The following AEBP2 variants were observed in gnomAD, a reference collection of about 807,000 sequenced individuals.
AEBP2 encodes AE binding protein 2, also known as zinc finger protein AEBP2.
AEBP2 carries 10 observed loss-of-function variants against 50.8 expected under a neutral mutation model. The ratio of observed to expected loss-of-function variants is 0.20; its 90% CI spans 0.12 to 0.33. The LOEUF (loss-of-function observed/expected upper bound fraction) is 0.33, where lower values mean the gene tolerates loss of function less well. Ranked by LOEUF, AEBP2 falls within the 10% of genes least tolerant of loss-of-function variation. AEBP2 has a pLI of 1.00. For synonymous variants in AEBP2, 296 were observed against 261.3 expected, an observed-to-expected ratio of 1.13 and a Z score of -1.28; for missense variants, 570 against 688.0, an observed-to-expected ratio of 0.83 and a Z score of 1.92.
chr12:19,484,205 T>C (rs1948772653), intron 3 of AEBP2, among the ~76,000 whole-genome samples: 1 of 150,978 alleles, frequency 6.6e-6, no homozygotes, highest in African/African-American at 2.4e-5. Context: ...TGCTTCAGCC[T>C]CTGGAGTAGC....
intron 1 of AEBP2, chr12:19,457,278 A>T: frequency 1.3e-6 from 2 of 1,578,130 alleles, no homozygotes; most frequent in Non-Finnish European, 1.7e-6. Context: ...ATTCACCAAC[A>T]CTGGCAGCAA....
intron 1 of AEBP2, among the ~76,000 whole-genome samples, chr12:19,432,220 T>G (rs989733825): frequency 6.6e-6 from 1 of 152,132 alleles, no homozygotes; most frequent in African/African-American, 2.4e-5. Flanking sequence ...CTGTCGCCAG[T>G]CTAGGCCCAT....
intron 5 of AEBP2, among the ~76,000 whole-genome samples, chr12:19,505,828 TGTG>T (rs770117863): frequency 3.9e-5 from 6 of 152,144 alleles, no homozygotes; most frequent in Admixed American, 1.3e-4. Context: ...CAGGGTGAAA[TGTG>T]GTGGTATCAT....
chr12:19,513,192 T>A (rs1949262226), intron 6 of AEBP2, among the ~76,000 whole-genome samples: 1 of 152,150 alleles, frequency 6.6e-6, no homozygotes, highest in African/African-American at 2.4e-5. Context: ...ATTTAAAAAA[T>A]TTGTAAATGT....
chr12:19,440,746 T>G (rs1000088618), intron 1 of AEBP2: 2 of 1,533,386 alleles, frequency 1.3e-6, no homozygotes, highest in Non-Finnish European at 1.7e-6. Context: ...CTTCCAACCG[T>G]GTTCGGGAAC....
chr12:19,454,917 C>T (rs1056474697), intron 1 of AEBP2, among the ~76,000 whole-genome samples: 4 of 152,130 alleles, frequency 2.6e-5, no homozygotes, highest in Admixed American at 2.0e-4. Flanking sequence ...AGCAGTTAAC[C>T]TCAGAATAAA....
Position 19,518,965 on chromosome 12 carries a change from C to CAA in AEBP2, c.*849_*850insAA. On this transcript the variant is annotated 3_prime_UTR_variant, in exon 8 of 8. Coordinates refer to ENST00000266508, the MANE Select transcript of AEBP2 (RefSeq NM_153207.5). ...ACTCTAATTTTTTTTCTGAGGAAATCATTTGGTTTTTGAGTTGTTTTTTCT... is the reference window on the plus strand; with the variant it reads ...ACTCTAATTTTTTTTCTGAGGAAATCAAATTTGGTTTTTGAGTTGTTTTTTCT... 1 of 270,446 alleles carries CAA rather than the reference C, an allele frequency of 3.7e-6. No individual in the cohort carries two copies. The highest frequency in any genetic ancestry group is 2.2e-5 in the African/African-American group (1 of 45,328). 16.8% of individuals were successfully genotyped at this position (270,446 alleles called of 1,614,324 possible). A position where few individuals can be genotyped will look rare whatever the true frequency, so the allele number is the denominator to read the frequency against.
intron 5 of AEBP2, chr12:19,508,991 G>GT: frequency 1.9e-6 from 1 of 539,562 alleles, no homozygotes; most frequent in Non-Finnish European, 3.6e-6. Context: ...TGGTAATAGA[G>GT]TTGTTTACCT....
At chr12:19,432,332 C>T (rs934174289) in intron 1 of AEBP2, among the ~76,000 whole-genome samples, 8 of 152,140 alleles carry the variant, frequency 5.3e-5, no homozygotes, top group Admixed American at 2.6e-4. Context: ...CAGTCTGCTT[C>T]GGGGTTCCCC....
intron 3 of AEBP2, among the ~76,000 whole-genome samples, chr12:19,483,735 C>T (rs976930328): frequency 3.3e-5 from 5 of 152,070 alleles, no homozygotes; most frequent in African/African-American, 1.2e-4. Flanking sequence ...GTAATATTAG[C>T]GGTTTAACCA....
In AEBP2 at chr12:19,405,290, A is replaced by T. The variant is rs752721315; in HGVS notation, c.-17+1074A>T. ...TCAAATTGCTTATTTACTTCTCAGC[A>T]CTAGCTAGGTATCTGGAATTGTTAT... On this transcript the variant is annotated intron_variant, in intron 1 of 3. Coordinates refer to the AEBP2 transcript ENST00000538425. Among the ~76,000 whole-genome samples the T allele has an allele frequency of 3.3e-4, 50 of 151,352 alleles. 1 individual carries two copies. Among genetic ancestry groups the T allele is most frequent in the Non-Finnish European group, 1.2e-4 (8 of 67,908 alleles).
intron 3 of AEBP2, among the ~76,000 whole-genome samples, chr12:19,478,244 G>A (rs1948679488): frequency 6.6e-6 from 1 of 152,070 alleles, no homozygotes; most frequent in African/African-American, 2.4e-5. Flanking sequence ...GTTCTTTCTT[G>A]TTTCTCTAGT....
At chr12:19,500,259 C>T in intron 5 of AEBP2, 38 bp downstream of exon 5, 1 of 1,384,252 alleles carries the variant, frequency 7.2e-7, no homozygotes, top group South Asian at 1.6e-5. Context: ...AAATATAAAA[C>T]TTTGCAAAAA....
intron 3 of AEBP2, among the ~76,000 whole-genome samples, chr12:19,492,998 CAAAATACATT>C (rs1948917751): frequency 6.6e-6 from 1 of 152,010 alleles, no homozygotes; most frequent in South Asian, 2.1e-4. Context: ...ACCCAAAATA[CAAAATACATT>C]AAAAAGTCAA....
chr12:19,433,797 C>T (rs897949398), intron 1 of AEBP2, among the ~76,000 whole-genome samples: 8 of 149,662 alleles, frequency 5.3e-5, no homozygotes, highest in Non-Finnish European at 7.4e-5. Context: ...AGTGAAACTC[C>T]GTCTCAAAAA....
intron 3 of AEBP2, among the ~76,000 whole-genome samples, chr12:19,486,860 G>A (rs754187849): frequency 6.6e-6 from 1 of 151,246 alleles, no homozygotes; most frequent in Non-Finnish European, 1.5e-5. Flanking sequence ...GCAGTGGTGC[G>A]ATCTCAAATG....
chr12:19,505,882 C>T (rs999008185), intron 5 of AEBP2, among the ~76,000 whole-genome samples: 1 of 151,954 alleles, frequency 6.6e-6, no homozygotes, highest in Non-Finnish European at 1.5e-5. Context: ...CTCAAGCAGT[C>T]CTCTCTCCTC....
chr12:19,428,825 A>AAT (rs1262997312), intron 1 of AEBP2, among the ~76,000 whole-genome samples: 1 of 151,874 alleles, frequency 6.6e-6, no homozygotes, highest in African/African-American at 2.4e-5. Flanking sequence ...AAAAAAAAAA[A>AAT]GGAAAGAAAA....
chr12:19,490,323 T>C (rs1056758910), intron 3 of AEBP2, among the ~76,000 whole-genome samples: 1 of 152,164 alleles, frequency 6.6e-6, no homozygotes, highest in African/African-American at 2.4e-5. Flanking sequence ...TATTGAATGG[T>C]ACAAAACTAA....
Sources: gnomAD v4.1 joint callset for allele counts (sites outside exome capture counted in the v4.1 genomes callset) on GRCh38, gnomAD v4.1.1 for gene constraint, MANE v1.5 for transcripts, NCBI Gene and HGNC (gene_info 2026-07-23, HGNC 2026-07-21) for gene names.